STT3B: variants seen among roughly 807,000 people sequenced by gnomAD.
STT3B encodes the protein STT3 oligosaccharyltransferase complex catalytic subunit B.
Under a neutral mutation model 96.8 loss-of-function variants are expected in STT3B, and 29 were observed. The ratio of observed to expected loss-of-function variants is 0.30; its 90% CI spans 0.22 to 0.41. The LOEUF (loss-of-function observed/expected upper bound fraction) is 0.41, where lower values mean the gene tolerates loss of function less well. Among genes scored for constraint, STT3B ranks in the 10% least tolerant of loss-of-function variants. The probability of loss-of-function intolerance (pLI) is 1.00; values close to 1 mark genes in which losing one functional copy is unlikely to be tolerated. For missense variants in STT3B, 640 were observed against 1,022.3 expected, an observed-to-expected ratio of 0.63 and a Z score of 5.10; for synonymous variants, 367 against 360.0, an observed-to-expected ratio of 1.02 and a Z score of -0.22.
At chr3:31,562,022 T>C (rs768763977) in intron 1 of STT3B, among the ~76,000 whole-genome samples, 3 of 152,122 alleles carry the variant, frequency 2.0e-5, no homozygotes, top group Non-Finnish European at 2.9e-5. Context: ...GACCCAGTGG[T>C]GGCAGCAGTG....
chr3:31,579,127 T>G (rs1173362702), intron 2 of STT3B, among the ~76,000 whole-genome samples: 1 of 152,070 alleles, frequency 6.6e-6, no homozygotes, highest in Non-Finnish European at 1.5e-5. Flanking sequence ...AGGGTACGTA[T>G]AACTGTTAAC....
At chr3:31,623,956 A>G (rs1699480478) in intron 11 of STT3B, 95 bp downstream of exon 11, 1 of 1,096,554 alleles carries the variant, frequency 9.1e-7, no homozygotes, top group Middle Eastern at 2.4e-4. Flanking sequence ...GTTGTTTGTG[A>G]GATTCTGCAT....
chr3:31,570,651 G>A (rs1337009692), intron 1 of STT3B, among the ~76,000 whole-genome samples: 2 of 152,106 alleles, frequency 1.3e-5, no homozygotes, highest in African/African-American at 2.4e-5. Context: ...GTCAATCCAA[G>A]TACCTTTTTT....
intron 1 of STT3B, among the ~76,000 whole-genome samples, chr3:31,568,357 C>G (rs1698057088): frequency 6.6e-6 from 1 of 152,088 alleles, no homozygotes; most frequent in Admixed American, 6.6e-5. Context: ...CACTGATTTT[C>G]TTTCTTTGGA....
chr3:31,571,113 GA>G (rs918911002), intron 1 of STT3B, among the ~76,000 whole-genome samples: 1 of 152,026 alleles, frequency 6.6e-6, no homozygotes, highest in Admixed American at 6.6e-5. Context: ...CAACTAGGAA[GA>G]AAAAAATTAC....
chr3:31,611,445 C>T (rs1482487412), intron 5 of STT3B, among the ~76,000 whole-genome samples: 1 of 152,100 alleles, frequency 6.6e-6, no homozygotes, highest in South Asian at 2.1e-4. Context: ...ATATTAGATG[C>T]TGTAGTACAA....
At chr3:31,587,806 CTATTT>C (rs1013703782) in intron 3 of STT3B, among the ~76,000 whole-genome samples, 1 of 152,142 alleles carries the variant, frequency 6.6e-6, no homozygotes, top group African/African-American at 2.4e-5. Context: ...TTTTTATGCT[CTATTT>C]TAATTTTCTA....
At chr3:31,535,488 C>T (rs968898979) in intron 1 of STT3B, among the ~76,000 whole-genome samples, 4 of 152,034 alleles carry the variant, frequency 2.6e-5, no homozygotes, top group Non-Finnish European at 4.4e-5. Context: ...CTTCGGAAAG[C>T]CGAGGCAGGT....
rs370375901 is a variant in STT3B, at chr3:31,532,977, A to C, written c.-22A>C. ...GCGGCGGCGGCGGAGGAGGAGAGCT[A>C]GACCCGCCGCCGGGGCACAACATGG... On this transcript the variant is annotated 5_prime_UTR_variant, in exon 1 of 16. Transcript: ENST00000295770. 8.2e-6 allele frequency: 13 copies of C among 1,578,562 alleles called. 3 individuals are homozygous for C. In the Admixed American group the frequency reaches 2.1e-4, roughly 26 times the overall value.
At chr3:31,537,817 ACT>A (rs892948298) in intron 1 of STT3B, among the ~76,000 whole-genome samples, 29 of 151,934 alleles carry the variant, frequency 1.9e-4, no homozygotes, top group Admixed American at 2.6e-4. Context: ...CAATTTTTAT[ACT>A]CTCTATAAGT....
intron 5 of STT3B, among the ~76,000 whole-genome samples, chr3:31,612,105 C>T (rs950503903): frequency 1.3e-5 from 2 of 152,184 alleles, no homozygotes; most frequent in African/African-American, 4.8e-5. Context: ...GAAATATTCA[C>T]TGGAGCGTTT....
At chr3:31,614,982 T>C in intron 5 of STT3B, 123 bp from the exon 6 acceptor site, 1 of 530,310 alleles carries the variant, frequency 1.9e-6, no homozygotes, top group East Asian at 3.3e-5. Context: ...TAAAAGTCAT[T>C]TCAAGATTCT....
At chr3:31,559,196 CTT>C (rs1697802447) in intron 1 of STT3B, among the ~76,000 whole-genome samples, 1 of 131,620 alleles carries the variant, frequency 7.6e-6, no homozygotes, top group South Asian at 2.4e-4. Flanking sequence ...TGTGTTGTCT[CTT>C]TCATTTAGTT....
intron 1 of STT3B, among the ~76,000 whole-genome samples, chr3:31,548,021 G>A (rs1251096351): frequency 6.6e-6 from 1 of 152,136 alleles, no homozygotes; most frequent in African/African-American, 2.4e-5. Flanking sequence ...GAAATGCAGA[G>A]CATCTTGAGA....
rs564630627 is a variant in STT3B at position 31,614,197 on chromosome 3, A to G, written c.878-908A>G. 2.6e-5 allele frequency among the ~76,000 whole-genome samples: 4 copies of G among 152,112 alleles called. No homozygotes were observed. The South Asian group carries it at 8.3e-4, about 32-fold the overall frequency. The stretch of plus-strand genomic sequence containing the variant: ...CGTGTATTCCTAAATATACCCCCCA[A>G]TCTTTGTTTTTGATAGAGTAGTTTA... On this transcript the variant is annotated intron_variant, in intron 5 of 15. Transcript: ENST00000295770.
Position 31,550,617 on chromosome 3 carries a change from GTTAC to G in STT3B, c.314+17309_314+17312del, listed in dbSNP as rs1697527492. Among the ~76,000 whole-genome samples, 8 of 152,272 alleles carry G rather than the reference GTTAC, an allele frequency of 5.3e-5. No homozygotes were observed. In the South Asian group the frequency reaches 1.7e-3, roughly 32 times the overall value. The stretch of plus-strand genomic sequence containing the variant: ...GAATTTCTATCATTGTTTTCCTGCT[GTTAC>G]TTAAACACTGATAGGAATTTATGTA... On this transcript the variant is annotated intron_variant, in intron 1 of 15. Transcript: ENST00000295770.
At chr3:31,610,980 A>G (rs1247979317) in intron 5 of STT3B, among the ~76,000 whole-genome samples, 1 of 152,202 alleles carries the variant, frequency 6.6e-6, no homozygotes, top group Non-Finnish European at 1.5e-5. Context: ...AGAGCTCACC[A>G]CTTTGATGGA....
At chr3:31,632,431 G>A (rs1027026638) in intron 14 of STT3B, among the ~76,000 whole-genome samples, 4 of 152,148 alleles carry the variant, frequency 2.6e-5, no homozygotes, top group Non-Finnish European at 4.4e-5. Context: ...TGGGGTAAAA[G>A]AACAAGATGC....
intron 3 of STT3B, among the ~76,000 whole-genome samples, chr3:31,593,299 A>T (rs1698707256): frequency 6.7e-6 from 1 of 150,258 alleles, no homozygotes; most frequent in East Asian, 2.0e-4. Context: ...TTCTGTCAAA[A>T]TTTTTTTTTC....
Sources: gnomAD v4.1 joint callset for allele counts (sites outside exome capture counted in the v4.1 genomes callset) on GRCh38, gnomAD v4.1.1 for gene constraint, MANE v1.5 for transcripts, NCBI Gene and HGNC (gene_info 2026-07-23, HGNC 2026-07-21) for gene names.